The following CRADD variants were observed in gnomAD, a reference collection of about 807,000 sequenced individuals.
CRADD encodes the protein death domain-containing protein CRADD.
Under a neutral mutation model 15.5 loss-of-function variants are expected in CRADD, and 9 were observed. That is an observed-to-expected ratio of 0.58 (90% confidence interval 0.35 to 1.01). The LOEUF is 1.01. CRADD is among the 50% of genes least tolerant of loss of function. The pLI is 0.02. For synonymous variants in CRADD, 118 were observed against 107.6 expected, an observed-to-expected ratio of 1.10 and a Z score of -0.60; for missense variants, 227 against 250.3, an observed-to-expected ratio of 0.91 and a Z score of 0.63.
chr12:93,678,683 C>T, intron 1 of CRADD, 86 bp from the exon 2 acceptor site: 1 of 1,426,896 alleles, frequency 7.0e-7, no homozygotes, highest in Non-Finnish European at 9.5e-7. Flanking sequence ...TGTGCTTGAC[C>T]TGAAGGAACT....
Position 93,866,659 on chromosome 12 carries a change from G to A in CRADD, c.299-27391G>A, listed in dbSNP as rs115501709. ...GCCCTAAAAAGCTGAATGAGACTCT[G>A]TATTGTGGGTGGGGCTTCAAGACCA... On this transcript the variant is annotated intron_variant, in intron 2 of 2. Coordinates refer to the CRADD transcript ENST00000548483. Among the ~76,000 whole-genome samples the A allele has an allele frequency of 9.1e-4, 138 of 152,252 alleles. 1 individual carries two copies. The highest frequency in any genetic ancestry group is 3.2e-3 in the African/African-American group (133 of 41,556).
intron 2 of CRADD, among the ~76,000 whole-genome samples, chr12:93,787,479 G>A (rs1168636000): frequency 6.6e-6 from 1 of 151,990 alleles, no homozygotes; most frequent in Non-Finnish European, 1.5e-5. Flanking sequence ...TGCATGTGTT[G>A]TAGTACGTCT....
chr12:93,790,912 G>GACACACACAC (rs58305551), intron 2 of CRADD, among the ~76,000 whole-genome samples: 17,215 of 144,700 alleles, frequency 0.12, 1,190 homozygotes, highest in Admixed American at 0.23. Flanking sequence ...CCATATACAT[G>GACACACACAC]ACACACACAC....
intron 2 of CRADD, among the ~76,000 whole-genome samples, chr12:93,892,965 A>C (rs995839555): frequency 6.6e-6 from 1 of 152,158 alleles, no homozygotes; most frequent in East Asian, 1.9e-4. Flanking sequence ...GGCTCTTCCG[A>C]AAGAACACAG....
At chr12:93,852,710 C>T (rs957633613), downstream of CRADD, among the ~76,000 whole-genome samples, 1 of 152,170 alleles carries the variant, frequency 6.6e-6, no homozygotes, top group South Asian at 2.1e-4. Context: ...GGAGAAGATT[C>T]TACAATTTCA....
chr12:93,685,686 C>G (rs949489316), intron 2 of CRADD, among the ~76,000 whole-genome samples: 5 of 152,050 alleles, frequency 3.3e-5, no homozygotes, highest in African/African-American at 1.2e-4. Flanking sequence ...AATGTGTCAA[C>G]ATAAAGGAGA....
chr12:93,807,044 T>A (rs1220616510), intron 2 of CRADD, among the ~76,000 whole-genome samples: 1 of 152,134 alleles, frequency 6.6e-6, no homozygotes, highest in African/African-American at 2.4e-5. Context: ...CCAACCAGTA[T>A]TTGGAATCAT....
intron 2 of CRADD, among the ~76,000 whole-genome samples, chr12:93,796,462 G>T (rs1013966736): frequency 2.0e-5 from 3 of 151,910 alleles, no homozygotes; most frequent in African/African-American, 7.3e-5. Context: ...AAAATTGGCA[G>T]GGCATGGTGG....
intron 2 of CRADD, among the ~76,000 whole-genome samples, chr12:93,881,447 G>GC (rs1289008783): frequency 7.3e-6 from 1 of 136,572 alleles, no homozygotes; most frequent in Admixed American, 7.6e-5. Flanking sequence ...TGTGGGGGGG[G>GC]GGTGGGGATC....
intron 2 of CRADD, among the ~76,000 whole-genome samples, chr12:93,871,684 G>A (rs1422957564): frequency 6.6e-6 from 1 of 152,122 alleles, no homozygotes; most frequent in African/African-American, 2.4e-5. Context: ...TCCTGTGTCT[G>A]GCTTATTTCA....
At chr12:93,749,508 G>A (rs539195830) in intron 2 of CRADD, among the ~76,000 whole-genome samples, 1 of 151,236 alleles carries the variant, frequency 6.6e-6, no homozygotes. Flanking sequence ...TTAAAAACTG[G>A]CAGAGTGCTG....
intron 2 of CRADD, among the ~76,000 whole-genome samples, chr12:93,781,206 T>G (rs553719032): frequency 1.7e-4 from 26 of 152,104 alleles, no homozygotes; most frequent in African/African-American, 5.8e-4. Flanking sequence ...TCAAAAGGAT[T>G]GAAATATATA....
chr12:93,869,735 C>T (rs1335954240), intron 2 of CRADD, among the ~76,000 whole-genome samples: 1 of 151,934 alleles, frequency 6.6e-6, no homozygotes, highest in Non-Finnish European at 1.5e-5. Flanking sequence ...TGAAGAAAAG[C>T]CAACAAAAAT....
chr12:93,772,759 G>T (rs1288236653), intron 2 of CRADD, among the ~76,000 whole-genome samples: 1 of 152,162 alleles, frequency 6.6e-6, no homozygotes, highest in Non-Finnish European at 1.5e-5. Context: ...CAGATCCAGG[G>T]TTGGACTGGA....
chr12:93,772,436 T>A (rs1400534867), intron 2 of CRADD, among the ~76,000 whole-genome samples: 5 of 152,232 alleles, frequency 3.3e-5, no homozygotes, highest in Admixed American at 3.3e-4. Flanking sequence ...TCAGGTAATT[T>A]AATTATGTCT....
chr12:93,720,251 T>C (rs1187339763), intron 2 of CRADD, among the ~76,000 whole-genome samples: 1 of 152,230 alleles, frequency 6.6e-6, no homozygotes, highest in Non-Finnish European at 1.5e-5. Flanking sequence ...ATGTTTTTGT[T>C]ATTAATTTTT....
At chr12:93,765,984 T>G (rs1957023006) in intron 2 of CRADD, among the ~76,000 whole-genome samples, 1 of 152,178 alleles carries the variant, frequency 6.6e-6, no homozygotes, top group African/African-American at 2.4e-5. Flanking sequence ...ATTTTGAAAG[T>G]GATTGAAATT....
At chr12:93,867,404 T>TATATATATATATATATATATATATATA (rs1491540248) in intron 2 of CRADD, among the ~76,000 whole-genome samples, 2 of 127,284 alleles carry the variant, frequency 1.6e-5, no homozygotes, top group Non-Finnish European at 3.5e-5. Flanking sequence ...TATATATATA[T>TATATATATATATATATATATATATATA]TTTTTAAACT....
intron 2 of CRADD, among the ~76,000 whole-genome samples, chr12:93,739,368 T>G (rs1468120324): frequency 6.6e-6 from 1 of 151,910 alleles, no homozygotes; most frequent in Non-Finnish European, 1.5e-5. Context: ...TATAACATAT[T>G]ATTTAAAAAC....
Sources: allele counts gnomAD v4.1 joint callset (sites outside exome capture counted in the v4.1 genomes callset), GRCh38; gene constraint gnomAD v4.1.1; transcripts MANE v1.5; gene names NCBI Gene and HGNC (gene_info 2026-07-23, HGNC 2026-07-21).